The following ATG5 variants were observed in gnomAD, a reference collection of about 807,000 sequenced individuals.
The protein encoded by ATG5 is autophagy protein 5.
Under a neutral mutation model 36.5 loss-of-function variants are expected in ATG5, and 14 were observed. That is an observed-to-expected ratio of 0.38 (90% CI 0.25 to 0.60). ATG5 has a LOEUF of 0.60. Among genes scored for constraint, ATG5 ranks in the 20% least tolerant of loss-of-function variants. The pLI, the probability that ATG5 is intolerant of heterozygous loss-of-function variation, is 0.60. For missense variants in ATG5, 195 were observed against 326.7 expected (o/e 0.60, Z 3.11); for synonymous variants, 95 against 101.5 (o/e 0.94, Z 0.38).
rs535242712 is a variant in ATG5 at position 106,187,102 on chromosome 6, G to A, written c.692-426C>T. 3.9e-5 allele frequency among the ~76,000 whole-genome samples: 6 copies of A among 152,306 alleles called. No individual in the cohort carries two copies. The South Asian group carries it at 1.2e-3, about 32-fold the overall frequency. On this transcript the variant is annotated intron_variant, in intron 7 of 7. Transcript: ENST00000369076. Reference sequence around the variant, plus strand: ...TTTTGAAAATGTAAAATAGAAATGTGACTAGAAATCAAGAATCAGATCAGT... The same window carrying A: ...TTTTGAAAATGTAAAATAGAAATGTAACTAGAAATCAAGAATCAGATCAGT...
At chr6:106,220,250 A>T (rs1374809078) in intron 6 of ATG5, among the ~76,000 whole-genome samples, 1 of 152,220 alleles carries the variant, frequency 6.6e-6, no homozygotes, top group Admixed American at 6.5e-5. Flanking sequence ...TATCTGTATC[A>T]ATATGTAATA....
intron 5 of ATG5, among the ~76,000 whole-genome samples, chr6:106,263,404 T>C (rs1396245656): frequency 1.3e-5 from 2 of 152,186 alleles, no homozygotes; most frequent in Non-Finnish European, 2.9e-5. Context: ...AAGGGGCGGC[T>C]GTGGGTGCAG....
chr6:106,261,366 C>A (rs902104817), intron 5 of ATG5, among the ~76,000 whole-genome samples: 1 of 152,218 alleles, frequency 6.6e-6, no homozygotes, highest in South Asian at 2.1e-4. Context: ...TTCACACCTA[C>A]AATCCCAGCT....
At chr6:106,294,881 G>A (rs903851261) in intron 3 of ATG5, among the ~76,000 whole-genome samples, 13 of 148,614 alleles carry the variant, frequency 8.7e-5, no homozygotes, top group African/African-American at 2.2e-4. Context: ...ATGAACGCCC[G>A]GTCGGTAAAA....
chr6:106,249,346 T>C (rs116809184), intron 5 of ATG5, among the ~76,000 whole-genome samples: 374 of 152,292 alleles, frequency 2.5e-3, no homozygotes, highest in African/African-American at 8.5e-3. Context: ...TGAAGTAATA[T>C]AATATGTGGT....
intron 7 of ATG5, among the ~76,000 whole-genome samples, chr6:106,198,633 C>T (rs1776295087): frequency 6.6e-6 from 1 of 151,890 alleles, no homozygotes; most frequent in South Asian, 2.1e-4. Flanking sequence ...AAATATTAGC[C>T]AGGCATGGTG....
At chr6:106,302,413 T>C (rs1483852138) in intron 3 of ATG5, among the ~76,000 whole-genome samples, 1 of 152,056 alleles carries the variant, frequency 6.6e-6, no homozygotes, top group South Asian at 2.1e-4. Flanking sequence ...AATAGGGTTC[T>C]TGAGGACAAT....
chr6:106,282,408 T>C (rs376552569), intron 4 of ATG5, among the ~76,000 whole-genome samples: 1 of 152,216 alleles, frequency 6.6e-6, no homozygotes, highest in Non-Finnish European at 1.5e-5. Context: ...CCTGTTTTTT[T>C]ATCAGTGTAA....
chr6:106,316,362 G>C, intron 1 of ATG5, 96 bp from the exon 2 acceptor site: 1 of 415,572 alleles, frequency 2.4e-6, no homozygotes. Context: ...ATGCCATAAA[G>C]ATTATCCACT....
At chr6:106,302,172 TATGA>T (rs768685177) in intron 3 of ATG5, among the ~76,000 whole-genome samples, 1 of 152,054 alleles carries the variant, frequency 6.6e-6, no homozygotes, top group African/African-American at 2.4e-5. Flanking sequence ...GGAGGGAATA[TATGA>T]ATGAATAATT....
chr6:106,318,399 G>C (rs1448540079), intron 1 of ATG5, among the ~76,000 whole-genome samples: 1 of 152,192 alleles, frequency 6.6e-6, no homozygotes, highest in South Asian at 2.1e-4. Context: ...ACAGTAAAAT[G>C]AATGACCAAT....
At chr6:106,269,173 C>T (rs1326875798) in intron 5 of ATG5, among the ~76,000 whole-genome samples, 4 of 152,184 alleles carry the variant, frequency 2.6e-5, no homozygotes, top group Non-Finnish European at 5.9e-5. Context: ...CAAGTCCCCA[C>T]CAGAGTAGCT....
intron 6 of ATG5, among the ~76,000 whole-genome samples, chr6:106,227,777 C>T (rs1482845638): frequency 6.6e-6 from 1 of 152,188 alleles, no homozygotes; most frequent in East Asian, 1.9e-4. Flanking sequence ...ACTGTTCTTG[C>T]ACTGTTCTGG....
intron 3 of ATG5, among the ~76,000 whole-genome samples, chr6:106,306,820 C>T (rs1770465105): frequency 6.6e-6 from 1 of 152,138 alleles, no homozygotes; most frequent in Admixed American, 6.5e-5. Context: ...TTTAAGTCGC[C>T]TTCCCATTCC....
At position 106,245,515 on chromosome 6, in the gene ATG5, C is replaced by G. The variant is rs536724497; in HGVS notation, c.573+2635G>C. Among the ~76,000 whole-genome samples the G allele has an allele frequency of 4.6e-5, 7 of 152,200 alleles. No individual in the cohort carries two copies. In the East Asian group the frequency reaches 1.4e-3, roughly 29 times the overall value. On this transcript the variant is annotated intron_variant, in intron 6 of 7. Coordinates refer to ENST00000369076, the MANE Select transcript of ATG5 (RefSeq NM_004849.4). ...CACTGAGGCAAGTGACTTAAAATTCCCTAGCCTCAGTTTCCTCACATGTAA... is the reference window on the plus strand; with the variant it reads ...CACTGAGGCAAGTGACTTAAAATTCGCTAGCCTCAGTTTCCTCACATGTAA...
chr6:106,253,302 G>C (rs1778671158), intron 5 of ATG5, among the ~76,000 whole-genome samples: 1 of 152,170 alleles, frequency 6.6e-6, no homozygotes, highest in Non-Finnish European at 1.5e-5. Context: ...TGGGCCCAGT[G>C]GGCTAGCCTC....
At chr6:106,301,733 T>C (rs1279289172) in intron 3 of ATG5, among the ~76,000 whole-genome samples, 3 of 152,058 alleles carry the variant, frequency 2.0e-5, no homozygotes, top group Admixed American at 6.6e-5. Context: ...ATACTGTAAG[T>C]ATATAATACA....
chr6:106,290,784 G>A (rs911885135), intron 4 of ATG5, among the ~76,000 whole-genome samples: 2 of 152,090 alleles, frequency 1.3e-5, no homozygotes, highest in South Asian at 2.1e-4. Context: ...ACTGATTTAC[G>A]CATTCCAAAT....
At chr6:106,255,401 C>T (rs1778762299) in intron 5 of ATG5, among the ~76,000 whole-genome samples, 1 of 152,086 alleles carries the variant, frequency 6.6e-6, no homozygotes, top group Non-Finnish European at 1.5e-5. Context: ...AACTAGCTAC[C>T]TCATGAAAAC....
Sources: gnomAD v4.1 joint callset for allele counts (sites outside exome capture counted in the v4.1 genomes callset) on GRCh38, gnomAD v4.1.1 for gene constraint, MANE v1.5 for transcripts, NCBI Gene and HGNC (gene_info 2026-07-23, HGNC 2026-07-21) for gene names.